Variants in FAM13A observed in about 807,000 individuals in gnomAD.
The protein encoded by FAM13A is family with sequence similarity 13 member A.
A neutral mutation model predicts 129.6 loss-of-function variants in FAM13A; 76 were observed. The ratio of observed to expected loss-of-function variants is 0.59; its 90% CI spans 0.49 to 0.71. The LOEUF (loss-of-function observed/expected upper bound fraction) is 0.71, where lower values mean the gene tolerates loss of function less well. FAM13A is among the 30% of genes least tolerant of loss of function. FAM13A has a pLI of 0.00. For missense variants in FAM13A, 1,108 were observed against 1,249.3 expected (o/e 0.89, Z 1.70); for synonymous variants, 443 against 449.9 (o/e 0.98, Z 0.20).
intron 4 of FAM13A, among the ~76,000 whole-genome samples, chr4:88,961,473 T>C (rs1215162843): frequency 6.9e-6 from 1 of 145,854 alleles, no homozygotes; most frequent in Non-Finnish European, 1.5e-5. Context: ...GTTCAAGCAA[T>C]TCTCCTACCT....
At chr4:89,056,805 A>T (rs1308586561) in intron 1 of FAM13A, 133 bp downstream of exon 1, 5 of 835,730 alleles carry the variant, frequency 6.0e-6, no homozygotes, top group Non-Finnish European at 9.5e-6. Flanking sequence ...ATAGGAATTT[A>T]AGTAACAAAT....
intron 4 of FAM13A, among the ~76,000 whole-genome samples, chr4:88,949,305 T>A (rs1283416045): frequency 6.6e-6 from 1 of 152,196 alleles, no homozygotes; most frequent in Non-Finnish European, 1.5e-5. Context: ...CAAGCCCGAA[T>A]ACACCTAATT....
intron 5 of FAM13A, among the ~76,000 whole-genome samples, chr4:88,923,143 C>G (rs1046770617): frequency 6.6e-6 from 1 of 152,096 alleles, no homozygotes; most frequent in African/African-American, 2.4e-5. Flanking sequence ...TGGTACCATT[C>G]CTTCTGAAAC....
chr4:88,908,070 C>T (rs1195465784), intron 5 of FAM13A, among the ~76,000 whole-genome samples: 1 of 152,156 alleles, frequency 6.6e-6, no homozygotes, highest in Non-Finnish European at 1.5e-5. Flanking sequence ...CAGGTACTGC[C>T]AACACTCTCA....
At chr4:89,032,426 A>G (rs548994968) in intron 1 of FAM13A, among the ~76,000 whole-genome samples, 7 of 152,264 alleles carry the variant, frequency 4.6e-5, no homozygotes, top group African/African-American at 1.7e-4. Context: ...CCACATAACA[A>G]AGACAACCAG....
At chr4:89,024,586 C>T (rs1156463654) in intron 2 of FAM13A, among the ~76,000 whole-genome samples, 1 of 152,188 alleles carries the variant, frequency 6.6e-6, no homozygotes, top group East Asian at 1.9e-4. Context: ...ATGGTCACCC[C>T]TATAGTCCCA....
At chr4:88,981,891 C>T (rs1006500948) in intron 4 of FAM13A, among the ~76,000 whole-genome samples, 3 of 152,134 alleles carry the variant, frequency 2.0e-5, no homozygotes, top group African/African-American at 7.2e-5. Context: ...TCTAGATTTC[C>T]AGGTTGCCAT....
chr4:89,004,984 T>G (rs1190862623), intron 3 of FAM13A, among the ~76,000 whole-genome samples: 1 of 33,212 alleles, frequency 3.0e-5, no homozygotes, highest in African/African-American at 6.8e-5. Context: ...TGTCATGGTT[T>G]TTTTTTTGGT....
At chr4:88,802,582 T>C (rs555600488) in intron 8 of FAM13A, among the ~76,000 whole-genome samples, 15 of 152,326 alleles carry the variant, frequency 9.8e-5, no homozygotes, top group African/African-American at 3.6e-4. Flanking sequence ...GATTCAGGCA[T>C]GACTGTTCAA....
intron 8 of FAM13A, among the ~76,000 whole-genome samples, chr4:88,799,372 T>C (rs1418377090): frequency 6.6e-6 from 1 of 152,210 alleles, no homozygotes; most frequent in African/African-American, 2.4e-5. Context: ...AAATTGGAAC[T>C]GTGTACTTTA....
At position 88,790,434 on chromosome 4, in the gene FAM13A, C is replaced by T; in HGVS notation, c.1091+152G>A. The stretch of plus-strand genomic sequence containing the variant: ...ATAAGAATACCTATGTAGTCCTCTC[C>T]TCCATATAGTTTAAAAGTCACTGGC... On this transcript the variant is annotated intron_variant, in intron 9 of 23. Transcript: ENST00000264344. The T allele has an allele frequency of 2.0e-5, 13 of 641,026 alleles. No homozygotes were observed. In the South Asian group the frequency reaches 2.7e-4, roughly 13 times the overall value. 39.7% of individuals were successfully genotyped at this position (641,026 alleles called of 1,614,324 possible). A position where few individuals can be genotyped will look rare whatever the true frequency, so the allele number is the denominator to read the frequency against.
At chr4:88,800,992 G>GCTT (rs1727351249) in intron 8 of FAM13A, among the ~76,000 whole-genome samples, 1 of 151,860 alleles carries the variant, frequency 6.6e-6, no homozygotes, top group Non-Finnish European at 1.5e-5. Context: ...CATACAATAT[G>GCTT]CTTCTTAAGG....
chr4:89,015,989 T>C (rs1171780433), intron 3 of FAM13A, among the ~76,000 whole-genome samples: 2 of 152,086 alleles, frequency 1.3e-5, no homozygotes, highest in Non-Finnish European at 2.9e-5. Context: ...CATGTGTATG[T>C]TAACTGTAAC....
intron 7 of FAM13A, among the ~76,000 whole-genome samples, chr4:88,830,265 G>A (rs1318732035): frequency 1.3e-5 from 2 of 152,064 alleles, no homozygotes; most frequent in Admixed American, 6.6e-5. Context: ...ACTAATGTAT[G>A]GAAATAACAG....
At chr4:88,782,060 AATAG>A (rs1723060035) in intron 10 of FAM13A, among the ~76,000 whole-genome samples, 1 of 152,068 alleles carries the variant, frequency 6.6e-6, no homozygotes, top group African/African-American at 2.4e-5. Flanking sequence ...TTGAATTATT[AATAG>A]ATAATCTTAG....
chr4:88,894,128 ATGTAAATT>A (rs1745879516), intron 6 of FAM13A, among the ~76,000 whole-genome samples: 1 of 152,254 alleles, frequency 6.6e-6, no homozygotes, highest in African/African-American at 2.4e-5. Flanking sequence ...AGATGTTAGC[ATGTAAATT>A]GATGCAACAT....
chr4:88,883,211 CA>C (rs1249863039), intron 6 of FAM13A, among the ~76,000 whole-genome samples: 2 of 152,042 alleles, frequency 1.3e-5, no homozygotes, highest in East Asian at 3.9e-4. Context: ...AGAGAATATA[CA>C]TTCTATTCAT....
In FAM13A at chr4:88,728,530, C is replaced by G. The variant is rs562487263; in HGVS notation, c.*3G>C. The G allele has an allele frequency of 3.7e-6, 6 of 1,614,120 alleles. No individual in the cohort carries two copies. The highest frequency in any genetic ancestry group is 5.1e-6 in the Non-Finnish European group (6 of 1,180,006). ...GCCAGCCCCCTGTGCTTGGCCATGCCCCTCACATGGACTTGGAATCAGTGT... is the reference window on the plus strand; with the variant it reads ...GCCAGCCCCCTGTGCTTGGCCATGCGCCTCACATGGACTTGGAATCAGTGT... On this transcript the variant is annotated 3_prime_UTR_variant, in exon 24 of 24. Coordinates refer to ENST00000264344, the MANE Select transcript of FAM13A (RefSeq NM_014883.4).
chr4:88,976,505 A>G (rs760706818), intron 4 of FAM13A, among the ~76,000 whole-genome samples: 4 of 152,166 alleles, frequency 2.6e-5, no homozygotes, highest in Non-Finnish European at 5.9e-5. Flanking sequence ...TTCTTCCTAT[A>G]CAGTCATGTG....
Sources: gnomAD v4.1 joint callset for allele counts (sites outside exome capture counted in the v4.1 genomes callset) on GRCh38, gnomAD v4.1.1 for gene constraint, MANE v1.5 for transcripts, NCBI Gene and HGNC (gene_info 2026-07-23, HGNC 2026-07-21) for gene names.